The following NCL variants were observed in gnomAD, a reference collection of about 807,000 sequenced individuals.
NCL encodes the protein nucleolin multifunctional protein.
A neutral mutation model predicts 77.7 loss-of-function variants in NCL; 4 were observed. The observed-to-expected ratio is 0.05, with a 90% CI of 0.03 to 0.12. NCL has a LOEUF of 0.12. Among genes scored for constraint, NCL ranks in the 10% least tolerant of loss-of-function variants. The pLI is 1.00. For missense variants in NCL, 763 were observed against 860.9 expected (o/e 0.89, Z 1.42); for synonymous variants, 344 against 297.8 (o/e 1.16, Z -1.60).
chr2:231,457,365 C>G, intron 9 of NCL: 4 of 761,356 alleles, frequency 5.3e-6, no homozygotes, highest in Non-Finnish European at 9.3e-6. Flanking sequence ...CATCTGAGTT[C>G]AAAACGCACA....
At chr2:231,464,258 G>A (rs2046979292) in intron 1 of NCL, 78 bp downstream of exon 1, 2 of 1,533,036 alleles carry the variant, frequency 1.3e-6, no homozygotes, top group Non-Finnish European at 1.8e-6. Context: ...CTGCGCGCAG[G>A]CCCTCCTCCC....
chr2:231,456,159 A>C, intron 11 of NCL, 23 bp from the exon 12 acceptor site: 1 of 1,613,132 alleles, frequency 6.2e-7, no homozygotes, highest in Non-Finnish European at 8.5e-7. Context: ...AAAAAATGTG[A>C]CTTTATGTGA....
chr2:231,458,628 A>G (rs2046915771), intron 7 of NCL: 2 of 530,894 alleles, frequency 3.8e-6, no homozygotes, highest in South Asian at 5.3e-5. Context: ...AACCTAGAGT[A>G]GACGCGCATA....
At chr2:231,459,911 TAACA>T (rs1365040995) in intron 6 of NCL, among the ~76,000 whole-genome samples, 1 of 151,710 alleles carries the variant, frequency 6.6e-6, no homozygotes, top group Admixed American at 6.5e-5. Flanking sequence ...TCTCAATACA[TAACA>T]AAAACAACAA....
intron 12 of NCL, 135 bp downstream of exon 12, chr2:231,455,875 C>A (rs570584382): frequency 1.1e-5 from 15 of 1,397,876 alleles, no homozygotes; most frequent in Non-Finnish European, 1.2e-5. Context: ...TGAATTCTCT[C>A]TTCTTCTCGT....
At chr2:231,459,305 T>C (rs2046923626) in intron 6 of NCL, among the ~76,000 whole-genome samples, 180 bp from the exon 7 acceptor site, 1 of 152,204 alleles carries the variant, frequency 6.6e-6, no homozygotes, top group Non-Finnish European at 1.5e-5. Flanking sequence ...GGTCTCAGCA[T>C]GAAGATATGA....
chr2:231,459,049 C>G lies in NCL; in HGVS notation c.1117G>C (p.Gly373Arg). The change falls in exon 7 of 14, where the codon GGC becomes CGC. Residue 373 changes from glycine (G) to arginine (R), a missense_variant. Transcript: ENST00000322723. Reference sequence around the variant, plus strand: ...GGTTTCTCTAGTTTAATTTCATTGCCAAAGACTTTCAAACCAGTGAGTTCC... The same window carrying G: ...GGTTTCTCTAGTTTAATTTCATTGCGAAAGACTTTCAAACCAGTGAGTTCC... The part of the protein sequence containing the change: ...ALELTGLKVF[G>R]NEIKLEKPKG... The G allele has an allele frequency of 6.2e-7, 1 of 1,605,662 alleles. No individual in the cohort carries two copies. Among genetic ancestry groups the G allele is most frequent in the Non-Finnish European group, 8.5e-7 (1 of 1,176,958 alleles).
Position 231,461,469 on chromosome 2 carries a change from AAT to A in NCL, c.613+69_613+70del. On this transcript the variant is annotated intron_variant, in intron 3 of 13. Coordinates refer to ENST00000322723, the MANE Select transcript of NCL (RefSeq NM_005381.3). The stretch of plus-strand genomic sequence containing the variant: ...CTCATCTCCAGGTTGTCGTGGAAGG[AAT>A]ATGTTGATCCCAGAATCTCAAGATA... 1.5e-5 allele frequency: 23 copies of A among 1,563,358 alleles called. No homozygotes were observed. The South Asian group carries it at 1.7e-4, about 11-fold the overall frequency.
chr2:231,460,555 T>C lies in NCL; in HGVS notation c.821A>G (p.Lys274Arg). The change falls in exon 5 of 14, where the codon AAA (lysine) becomes AGA (arginine). Residue 274 changes from lysine to arginine, a missense_variant. Lys to Arg is a conservative substitution (Grantham distance 26). This residue lies in a region of NCL where 590 missense variants were observed against 570.5 expected (regional missense o/e 1.03). Transcript: ENST00000322723. ...EEEEEEEEPV[K>R]EAPGKRKKEM... Reference sequence around the variant, plus strand: ...CTTCTTTCGTTTTCCAGGTGCTTCTTTGACAGGCTCTGGACAAGATGTCAA... The same window carrying C: ...CTTCTTTCGTTTTCCAGGTGCTTCTCTGACAGGCTCTGGACAAGATGTCAA... 2.5e-6 allele frequency: 4 copies of C among 1,614,248 alleles called. No individual in the cohort carries two copies. The highest frequency in any genetic ancestry group is 2.2e-5 in the East Asian group (1 of 44,892).
At chr2:231,464,302 C>T (rs1242884120) in intron 1 of NCL, 34 bp downstream of exon 1, 1 of 1,577,358 alleles carries the variant, frequency 6.3e-7, no homozygotes. Context: ...GAAAGCAGGC[C>T]TACACGTCTG....
intron 3 of NCL, among the ~76,000 whole-genome samples, chr2:231,461,177 G>A (rs1367682078): frequency 1.3e-5 from 2 of 151,944 alleles, no homozygotes; most frequent in East Asian, 3.9e-4. Context: ...TACTCGGGAG[G>A]CTGAGGCAGA....
Position 231,455,074 on chromosome 2 carries a change from C to T in NCL, c.*117G>A. On this transcript the variant is annotated 3_prime_UTR_variant, in exon 14 of 14. Coordinates refer to ENST00000322723, the MANE Select transcript of NCL (RefSeq NM_005381.3). Reference sequence around the variant, plus strand: ...TAACTAGACGGATTTCCAAGGAGACCACAGGACTGTATACTGTCTTGGAAT... The same window carrying T: ...TAACTAGACGGATTTCCAAGGAGACTACAGGACTGTATACTGTCTTGGAAT... 1 of 1,133,566 alleles carries T rather than the reference C, an allele frequency of 8.8e-7. No individual in the cohort carries two copies. The highest frequency in any genetic ancestry group is 1.3e-6 in the Non-Finnish European group (1 of 765,468). The allele number at this position is 1,133,566 out of a possible 1,614,324, so 70.2% of individuals were successfully genotyped here. A position where few individuals can be genotyped will look rare whatever the true frequency, so the allele number is the denominator to read the frequency against.
chr2:231,456,340 G>T, intron 11 of NCL: 1 of 869,770 alleles, frequency 1.1e-6, no homozygotes, highest in Non-Finnish European at 1.8e-6. Context: ...TTGATATCCT[G>T]CCCCAGATCT....
chr2:231,455,901 G>T, intron 12 of NCL, 109 bp downstream of exon 12: 1 of 1,532,260 alleles, frequency 6.5e-7, no homozygotes. Context: ...TCCATAAACT[G>T]CCACTGATAG....
intron 2 of NCL, 26 bp downstream of exon 2, chr2:231,463,174 T>G: frequency 6.7e-7 from 1 of 1,489,478 alleles, no homozygotes; most frequent in Non-Finnish European, 9.2e-7. Flanking sequence ...TTTAACATAA[T>G]TCTGCATTAA....
In NCL at chr2:231,454,855, A is replaced by C. The variant is rs576821070; in HGVS notation, c.*336T>G. ...TACAACCCCACGAACGCAAAAAAAA[A>C]AAAAACAAAAACAAAACAAAAAAAA... On this transcript the variant is annotated 3_prime_UTR_variant, in exon 14 of 14. Coordinates refer to ENST00000322723, the MANE Select transcript of NCL (RefSeq NM_005381.3). 3.7e-4 allele frequency: 71 copies of C among 194,346 alleles called. 2 individuals carry two copies. Among genetic ancestry groups the C allele is most frequent in the Middle Eastern group, 4.7e-3 (2 of 426 alleles). The allele number at this position is 194,346 out of a possible 1,614,324, so 12.0% of individuals were successfully genotyped here. A position where few individuals can be genotyped will look rare whatever the true frequency, so the allele number is the denominator to read the frequency against.
At chr2:231,464,266 C>T in intron 1 of NCL, 70 bp downstream of exon 1, 3 of 1,537,036 alleles carry the variant, frequency 2.0e-6, no homozygotes, top group Non-Finnish European at 2.6e-6. Flanking sequence ...AGGCCCTCCT[C>T]CCCGCGGCGC....
At chr2:231,456,481 A>G (rs1042280815) in intron 11 of NCL, 150 bp downstream of exon 11, 3 of 1,331,644 alleles carry the variant, frequency 2.3e-6, no homozygotes, top group Non-Finnish European at 3.2e-6. Context: ...AATTTTCTTG[A>G]GATTTCATCA....
chr2:231,462,857 G>C, intron 2 of NCL: 1 of 329,154 alleles, frequency 3.0e-6, no homozygotes, highest in Non-Finnish European at 5.9e-6. Context: ...AAGGAATCTG[G>C]TAAGGTTATC....
Sources: gnomAD v4.1 joint callset for allele counts (sites outside exome capture counted in the v4.1 genomes callset) on GRCh38, gnomAD v4.1.1 for gene constraint, gnomAD v4.1.1 regional missense constraint, MANE v1.5 for transcripts, NCBI Gene and HGNC (gene_info 2026-07-23, HGNC 2026-07-21) for gene names.